R3HDM2: variants seen among roughly 807,000 people sequenced by gnomAD.
R3HDM2 encodes R3H domain-containing protein 2.
Under a neutral mutation model 124.5 loss-of-function variants are expected in R3HDM2, and 38 were observed. The observed-to-expected ratio is 0.31, with a 90% CI of 0.24 to 0.40. The LOEUF (loss-of-function observed/expected upper bound fraction) is 0.40. Ranked by LOEUF, R3HDM2 falls within the 10% of genes least tolerant of loss-of-function variation. The pLI, the probability that R3HDM2 is intolerant of heterozygous loss-of-function variation, is 1.00. For synonymous variants in R3HDM2, 391 were observed against 448.0 expected, an observed-to-expected ratio of 0.87 and a Z score of 1.61; for missense variants, 869 against 1,236.9, an observed-to-expected ratio of 0.70 and a Z score of 4.46.
At chr12:57,366,381 A>G (rs2062657120) in intron 2 of R3HDM2, among the ~76,000 whole-genome samples, 2 of 152,104 alleles carry the variant, frequency 1.3e-5, no homozygotes, top group Non-Finnish European at 1.5e-5. Context: ...CAAGTTCACT[A>G]ATTTTTCTTC....
intron 2 of R3HDM2, among the ~76,000 whole-genome samples, chr12:57,329,147 A>G (rs913831828): frequency 3.3e-5 from 5 of 152,208 alleles, no homozygotes; most frequent in African/African-American, 1.2e-4. Flanking sequence ...AAGAGGTAAA[A>G]TAAGGGAGAG....
chr12:57,391,119 T>G (rs2066619350), intron 2 of R3HDM2, among the ~76,000 whole-genome samples: 1 of 152,044 alleles, frequency 6.6e-6, no homozygotes. Flanking sequence ...CTAATAATTA[T>G]ACAAAAATCT....
At chr12:57,334,772 G>GA (rs1221465638) in intron 2 of R3HDM2, among the ~76,000 whole-genome samples, 1 of 152,030 alleles carries the variant, frequency 6.6e-6, no homozygotes, top group African/African-American at 2.4e-5. Flanking sequence ...AATCAGTGAG[G>GA]AATCAGTGTT....
At chr12:57,362,463 T>G (rs1317342358) in intron 2 of R3HDM2, among the ~76,000 whole-genome samples, 5 of 152,258 alleles carry the variant, frequency 3.3e-5, no homozygotes, top group Non-Finnish European at 7.3e-5. Flanking sequence ...TTAAGGCTAT[T>G]AATCAACTGT....
chr12:57,269,204 A>G, intron 16 of R3HDM2, 119 bp downstream of exon 16: 1 of 1,546,928 alleles, frequency 6.5e-7, no homozygotes, highest in Non-Finnish European at 8.8e-7. Context: ...GTCTGTTCTT[A>G]GGACCCTAAT....
intron 20 of R3HDM2, 80 bp from the exon 21 acceptor site, chr12:57,258,217 CCT>C (rs777704304): frequency 2.4e-5 from 30 of 1,260,722 alleles, no homozygotes; most frequent in South Asian, 3.0e-5. Flanking sequence ...TTAAAATTCA[CCT>C]CTCTCAGGAA....
rs762491267 is a variant in R3HDM2, at chr12:57,308,047, A to AT, written c.165+2216dup. On this transcript the variant is annotated intron_variant, in intron 3 of 23. Coordinates refer to ENST00000402412, the MANE Select transcript of R3HDM2 (RefSeq NM_001394031.1). ...ACATTGTATTTGTATTTCCAGGTGAATTTTTTTTTTTTTTTTTGAGTTGGA... is the reference window on the plus strand; with the variant it reads ...ACATTGTATTTGTATTTCCAGGTGAATTTTTTTTTTTTTTTTTTGAGTTGGA... Among the ~76,000 whole-genome samples the AT allele has an allele frequency of 6.6e-3, 892 of 134,716 alleles. 1 individual carries two copies. The highest frequency in any genetic ancestry group is 0.016 in the Middle Eastern group (4 of 248). The allele number at this position is 134,716 out of a possible 152,430, so 88.4% of individuals were successfully genotyped here.
chr12:57,374,683 TAAAAAAAAAAAAAAAAAAA>T (rs56197858), intron 2 of R3HDM2, among the ~76,000 whole-genome samples: 2 of 28,058 alleles, frequency 7.1e-5, no homozygotes, highest in African/African-American at 1.6e-4. Context: ...AATTCTATCT[TAAAAAAAAAAAAAAAAAAA>T]AAAAAAAAAG....
chr12:57,340,481 G>T (rs1044249095), intron 2 of R3HDM2, among the ~76,000 whole-genome samples: 5 of 152,094 alleles, frequency 3.3e-5, no homozygotes, highest in African/African-American at 1.2e-4. Context: ...TTTGCCCTAG[G>T]ATTATCTTCC....
chr12:57,264,233 C>A (rs1458067343), intron 19 of R3HDM2, among the ~76,000 whole-genome samples: 4 of 130,354 alleles, frequency 3.1e-5, no homozygotes, highest in Non-Finnish European at 6.5e-5. Context: ...CAGAGAGAGA[C>A]TCTGTCTCAA....
intron 13 of R3HDM2, among the ~76,000 whole-genome samples, chr12:57,282,505 G>C (rs1353407231): frequency 6.6e-6 from 1 of 151,904 alleles, no homozygotes; most frequent in Non-Finnish European, 1.5e-5. Context: ...CTCTAAAAAG[G>C]GCTAAGCAAC....
intron 13 of R3HDM2, among the ~76,000 whole-genome samples, chr12:57,282,299 CAA>C (rs796325846): frequency 5.5e-5 from 7 of 127,978 alleles, no homozygotes; most frequent in Admixed American, 7.8e-5. Context: ...GACTCCATCT[CAA>C]AAAAAAAAAA....
chr12:57,340,896 T>C (rs201980520), intron 2 of R3HDM2, among the ~76,000 whole-genome samples: 2 of 143,708 alleles, frequency 1.4e-5, no homozygotes, highest in Non-Finnish European at 1.5e-5. Context: ...AGATACTCAA[T>C]CCAAAAAAAA....
chr12:57,255,638 G>C (rs1221009014), intron 23 of R3HDM2, among the ~76,000 whole-genome samples: 1 of 152,136 alleles, frequency 6.6e-6, no homozygotes, highest in East Asian at 1.9e-4. Context: ...TAGGACGAGA[G>C]TTTCTCCCCC....
At position 57,343,254 on chromosome 12, in the gene R3HDM2, G is replaced by A. The variant is rs549952840; in HGVS notation, c.-35-32791C>T. ...TGCCCAAGCTAGAGTCCAATGGCGC[G>A]ATCTTGGCTCACCACAACCTCCGCC... On this transcript the variant is annotated intron_variant, in intron 2 of 23. Coordinates refer to ENST00000402412, the MANE Select transcript of R3HDM2 (RefSeq NM_001394031.1). 2.7e-5 allele frequency among the ~76,000 whole-genome samples: 4 copies of A among 147,764 alleles called. No individual in the cohort carries two copies. In the East Asian group the frequency reaches 6.0e-4, roughly 22 times the overall value.
chr12:57,314,766 T>C (rs2054671405), intron 2 of R3HDM2, among the ~76,000 whole-genome samples: 1 of 152,232 alleles, frequency 6.6e-6, no homozygotes, highest in Admixed American at 6.5e-5. Flanking sequence ...TATCACATGA[T>C]AGGCCTTCAG....
At chr12:57,396,350 A>T (rs547105708) in intron 1 of R3HDM2, among the ~76,000 whole-genome samples, 24 of 152,284 alleles carry the variant, frequency 1.6e-4, no homozygotes, top group African/African-American at 5.8e-4. Context: ...CTGAGGCAGG[A>T]GAATCACTTG....
At chr12:57,367,393 T>C (rs1276254799) in intron 2 of R3HDM2, among the ~76,000 whole-genome samples, 1 of 152,252 alleles carries the variant, frequency 6.6e-6, no homozygotes, top group Non-Finnish European at 1.5e-5. Flanking sequence ...AATATCCACA[T>C]GTAGCTAGTG....
Position 57,296,241 on chromosome 12 carries a change from C to A in R3HDM2, c.701+170G>T, listed in dbSNP as rs960404832. Among the ~76,000 whole-genome samples the A allele has an allele frequency of 6.6e-6, 1 of 151,168 alleles. No homozygotes were observed. Among genetic ancestry groups the A allele is most frequent in the Admixed American group, 6.6e-5 (1 of 15,144 alleles). On this transcript the variant is annotated intron_variant, in intron 9 of 23. Coordinates refer to ENST00000402412, the MANE Select transcript of R3HDM2 (RefSeq NM_001394031.1). The surrounding 1 kb of genome is among the most constrained non-coding windows in gnomAD (Gnocchi z 4.5). The stretch of plus-strand genomic sequence containing the variant: ...CTGTGTTGACCAGGCTGGTCTCGAA[C>A]TCCTGGCTTCAAGCAGTCTTCCCAT...
Sources: gnomAD v4.1 joint callset for allele counts (sites outside exome capture counted in the v4.1 genomes callset) on GRCh38, gnomAD v4.1.1 for gene constraint, Gnocchi (gnomAD v3.1) non-coding constraint, MANE v1.5 for transcripts, NCBI Gene and HGNC (gene_info 2026-07-23, HGNC 2026-07-21) for gene names.